Variants in PHLPP1 observed in about 807,000 individuals in gnomAD.
PHLPP1 encodes PH domain and leucine rich repeat protein phosphatase 1, also known as PH domain leucine-rich repeat-containing protein phosphatase 1.
Under a neutral mutation model 117.2 loss-of-function variants are expected in PHLPP1, and 42 were observed. The observed-to-expected ratio is 0.36, with a 90% CI of 0.28 to 0.46. The LOEUF (loss-of-function observed/expected upper bound fraction) is 0.46. Among genes scored for constraint, PHLPP1 ranks in the 20% least tolerant of loss-of-function variants. The pLI, the probability that PHLPP1 is intolerant of heterozygous loss-of-function variation, is 1.00. For synonymous variants in PHLPP1, 1,042 were observed against 970.7 expected, an observed-to-expected ratio of 1.07 and a Z score of -1.37; for missense variants, 2,084 against 2,241.9, an observed-to-expected ratio of 0.93 and a Z score of 1.42.
Position 62,716,454 on chromosome 18 carries a change from C to G in PHLPP1, c.771C>G (p.Ala257=). 1 of 1,299,656 alleles carries G rather than the reference C, an allele frequency of 7.7e-7. No individual in the cohort carries two copies. Among genetic ancestry groups the G allele is most frequent in the Non-Finnish European group, 9.7e-7 (1 of 1,027,644 alleles). 80.5% of individuals were successfully genotyped at this position (1,299,656 alleles called of 1,614,324 possible). Residue 257 remains alanine (A), a synonymous_variant, in exon 1 of 17, where the codon GCC becomes GCG. Coordinates refer to ENST00000262719, the MANE Select transcript of PHLPP1 (RefSeq NM_194449.4). This position sits in a 1 kb window ranked among gnomAD's most constrained non-coding sequence, Gnocchi z 5.7. The part of the protein sequence containing the change: ...VLGQGPGAAA[A]REPAEPPPEA... ...GCCAGGGGCCCGGAGCCGCCGCCGC[C>G]CGGGAGCCCGCTGAACCGCCCCCCG...
intron 1 of PHLPP1, 140 bp from the exon 2 acceptor site, chr18:62,829,895 A>T: frequency 1.8e-6 from 1 of 560,464 alleles, no homozygotes; most frequent in South Asian, 3.1e-5. Flanking sequence ...GACAGTTGTC[A>T]TCTCAATTAT....
intron 4 of PHLPP1, among the ~76,000 whole-genome samples, chr18:62,884,121 CAA>C (rs1464363546): frequency 6.6e-6 from 1 of 152,112 alleles, no homozygotes; most frequent in East Asian, 1.9e-4. Context: ...ATGCAGCTGT[CAA>C]AAAGATTGAG....
At chr18:62,730,505 GA>G (rs568424126) in intron 1 of PHLPP1, among the ~76,000 whole-genome samples, 7 of 150,218 alleles carry the variant, frequency 4.7e-5, no homozygotes, top group Non-Finnish European at 5.9e-5. Context: ...GAGAGAGAGA[GA>G]AAAAAAAAGG....
chr18:62,770,362 G>A (rs1312135316), intron 1 of PHLPP1, among the ~76,000 whole-genome samples: 1 of 152,130 alleles, frequency 6.6e-6, no homozygotes, highest in Non-Finnish European at 1.5e-5. Flanking sequence ...CACCTGCCTT[G>A]GCCTCCCAAA....
chr18:62,738,709 C>T (rs779009728), intron 1 of PHLPP1, among the ~76,000 whole-genome samples: 13 of 152,032 alleles, frequency 8.6e-5, no homozygotes, highest in Non-Finnish European at 1.5e-4. Context: ...ACAATAAATA[C>T]TAATACAATG....
chr18:62,976,768 T>G (rs908611558), intron 16 of PHLPP1, among the ~76,000 whole-genome samples: 1 of 152,212 alleles, frequency 6.6e-6, no homozygotes, highest in Non-Finnish European at 1.5e-5. Context: ...GACTATAAGC[T>G]TTCACCAGAG....
rs748865289 is a variant in PHLPP1, at chr18:62,978,355, G to A, written c.4078G>A (p.Val1360Met). Residue 1360 changes from valine to methionine, a missense_variant, in exon 17 of 17, where the codon GTG (valine) becomes ATG (methionine). This residue lies in a region of PHLPP1 where 1,365 missense variants were observed against 1,605.9 expected (regional missense o/e 0.85). Transcript: ENST00000262719. This position sits in a 1 kb window ranked among gnomAD's most constrained non-coding sequence, Gnocchi z 7.0. Reference sequence around the variant, plus strand: ...GGTGCCTCGCCCCCACGTGCAGTCCGTGCTCCTGACTCCCCAGGATGAGTT... The same window carrying A: ...GGTGCCTCGCCCCCACGTGCAGTCCATGCTCCTGACTCCCCAGGATGAGTT... ...SVVPRPHVQS[V>M]LLTPQDEFFI... 1.2e-5 allele frequency: 19 copies of A among 1,612,816 alleles called. No individual in the cohort carries two copies. Among genetic ancestry groups the A allele is most frequent in the African/African-American group, 5.3e-5 (4 of 74,978 alleles).
At chr18:62,943,743 T>G (rs1910197252) in intron 11 of PHLPP1, among the ~76,000 whole-genome samples, 1 of 152,156 alleles carries the variant, frequency 6.6e-6, no homozygotes, top group African/African-American at 2.4e-5. Flanking sequence ...GGGCCCCACC[T>G]CTGACACTGG....
At chr18:62,945,511 C>A (rs1478615985) in intron 12 of PHLPP1, among the ~76,000 whole-genome samples, 1 of 152,206 alleles carries the variant, frequency 6.6e-6, no homozygotes, top group Non-Finnish European at 1.5e-5. Context: ...GAGTCCCTCA[C>A]TTACTGTATG....
chr18:62,900,821 A>C (rs1916705282), intron 6 of PHLPP1, among the ~76,000 whole-genome samples: 1 of 152,230 alleles, frequency 6.6e-6, no homozygotes, highest in African/African-American at 2.4e-5. Context: ...GAAATATCTC[A>C]CAAATAACTA....
At chr18:62,734,536 G>T (rs933644185) in intron 1 of PHLPP1, among the ~76,000 whole-genome samples, 4 of 152,090 alleles carry the variant, frequency 2.6e-5, no homozygotes, top group African/African-American at 9.7e-5. Context: ...ATATTGTCTT[G>T]TAGTAATGTG....
chr18:62,958,191 G>A (rs978761597), intron 12 of PHLPP1, among the ~76,000 whole-genome samples: 1 of 152,160 alleles, frequency 6.6e-6, no homozygotes, highest in East Asian at 1.9e-4. Context: ...CAAAGTGCTG[G>A]GATTATAAGC....
Position 62,971,008 on chromosome 18 carries a change from T to G in PHLPP1, c.3561-1506T>G, listed in dbSNP as rs78838700. Among the ~76,000 whole-genome samples the G allele has an allele frequency of 4.5e-3, 688 of 152,302 alleles. 5 individuals are homozygous for G. Among genetic ancestry groups the G allele is most frequent in the African/African-American group, 0.016 (662 of 41,548 alleles). On this transcript the variant is annotated intron_variant, in intron 14 of 16. Coordinates refer to ENST00000262719, the MANE Select transcript of PHLPP1 (RefSeq NM_194449.4). Reference sequence around the variant, plus strand: ...AGAGCTGTTTGTACTGGCTTAGAAATCTAGGTTGTTTTCTAGTTGTTTTCC... The same window carrying G: ...AGAGCTGTTTGTACTGGCTTAGAAAGCTAGGTTGTTTTCTAGTTGTTTTCC...
chr18:62,764,916 T>C (rs948811187), intron 1 of PHLPP1, among the ~76,000 whole-genome samples: 3 of 152,266 alleles, frequency 2.0e-5, no homozygotes, highest in African/African-American at 7.2e-5. Context: ...CCTTGGCTAC[T>C]AGGACACTTT....
At chr18:62,972,283 GA>G (rs879476131) in intron 14 of PHLPP1, among the ~76,000 whole-genome samples, 9 of 152,128 alleles carry the variant, frequency 5.9e-5, no homozygotes, top group Non-Finnish European at 8.8e-5. Flanking sequence ...AAACTCATCA[GA>G]AGAGAAGCAT....
chr18:62,936,907 G>T (rs1418128821), intron 10 of PHLPP1, among the ~76,000 whole-genome samples: 1 of 152,180 alleles, frequency 6.6e-6, no homozygotes, highest in Non-Finnish European at 1.5e-5. Context: ...AAGAAACTTG[G>T]AATGTTTACA....
intron 1 of PHLPP1, among the ~76,000 whole-genome samples, chr18:62,794,264 G>A (rs1913556169): frequency 6.6e-6 from 1 of 151,800 alleles, no homozygotes; most frequent in Non-Finnish European, 1.5e-5. Context: ...GCAGCTCTAA[G>A]TCCCTCTCTA....
intron 10 of PHLPP1, among the ~76,000 whole-genome samples, chr18:62,934,773 G>T (rs1310412968): frequency 4.6e-5 from 7 of 152,146 alleles, no homozygotes; most frequent in African/African-American, 1.4e-4. Flanking sequence ...ATGTTCCTCA[G>T]CTCATGTGTG....
chr18:62,839,387 T>A (rs1914995364), intron 3 of PHLPP1: 1 of 156,668 alleles, frequency 6.4e-6, no homozygotes. Context: ...TATATTCCTC[T>A]GATTTAATAA....
Sources: gnomAD v4.1 joint callset for allele counts (sites outside exome capture counted in the v4.1 genomes callset) on GRCh38, gnomAD v4.1.1 for gene constraint, gnomAD v4.1.1 regional missense constraint, Gnocchi (gnomAD v3.1) non-coding constraint, MANE v1.5 for transcripts, NCBI Gene and HGNC (gene_info 2026-07-23, HGNC 2026-07-21) for gene names.